SLC6A15: variants seen among roughly 807,000 people sequenced by gnomAD.
The protein encoded by SLC6A15 is sodium-dependent neutral amino acid transporter B(0)AT2.
A neutral mutation model predicts 68.5 loss-of-function variants in SLC6A15; 33 were observed. The ratio of observed to expected loss-of-function variants is 0.48; its 90% CI spans 0.37 to 0.64. The LOEUF is 0.64. SLC6A15 is among the 30% of genes least tolerant of loss of function. The pLI is 0.00. For synonymous variants in SLC6A15, 347 were observed against 301.0 expected (o/e 1.15, Z -1.58); for missense variants, 747 against 874.3 (o/e 0.85, Z 1.84).
At chr12:84,878,613 T>C (rs747516327) in intron 5 of SLC6A15, among the ~76,000 whole-genome samples, 2 of 152,090 alleles carry the variant, frequency 1.3e-5, no homozygotes, top group Non-Finnish European at 2.9e-5. Context: ...CTGATTATGA[T>C]TTTATCTAAT....
At chr12:84,875,257 T>A (rs2120588364) in intron 6 of SLC6A15, among the ~76,000 whole-genome samples, 1 of 151,878 alleles carries the variant, frequency 6.6e-6, no homozygotes, top group South Asian at 2.1e-4. Flanking sequence ...TGTAGCAGAT[T>A]TAAATTATAG....
intron 1 of SLC6A15, among the ~76,000 whole-genome samples, chr12:84,899,652 T>A (rs1485675514): frequency 2.6e-5 from 4 of 152,174 alleles, no homozygotes; most frequent in Admixed American, 1.3e-4. Flanking sequence ...CCAAATGGCT[T>A]ACAAATTATG....
At chr12:84,905,331 T>C (rs1378646531) in intron 1 of SLC6A15, among the ~76,000 whole-genome samples, 1 of 152,208 alleles carries the variant, frequency 6.6e-6, no homozygotes, top group East Asian at 1.9e-4. Context: ...TATCTACTGA[T>C]GCAGGAAAGA....
At chr12:84,867,527 A>G (rs1871113449) in intron 9 of SLC6A15, 1 of 159,764 alleles carries the variant, frequency 6.3e-6, no homozygotes. Context: ...ATTAATAGCA[A>G]AGTGACTTCT....
chr12:84,871,724 A>C (rs1278196580), intron 8 of SLC6A15, among the ~76,000 whole-genome samples: 1 of 152,216 alleles, frequency 6.6e-6, no homozygotes, highest in Non-Finnish European at 1.5e-5. Context: ...ACAGTTAACT[A>C]TCTTAAAGCA....
At chr12:84,886,218 T>A (rs1872095430) in intron 2 of SLC6A15, 150 bp from the exon 3 acceptor site, 2 of 440,508 alleles carry the variant, frequency 4.5e-6, no homozygotes, top group East Asian at 7.1e-5. Context: ...TACTTTGCAC[T>A]TTCTAGATTC....
intron 1 of SLC6A15, among the ~76,000 whole-genome samples, chr12:84,911,738 AC>A (rs1241838741): frequency 6.6e-6 from 1 of 152,090 alleles, no homozygotes; most frequent in African/African-American, 2.4e-5. Flanking sequence ...TCACACACAG[AC>A]CAGCCTAGTG....
intron 5 of SLC6A15, chr12:84,881,574 C>A (rs1235667109): frequency 1.0e-6 from 1 of 985,368 alleles, no homozygotes; most frequent in East Asian, 1.1e-4. Context: ...TCTTTTAATT[C>A]ATGCAGTTTC....
rs138356754 is a variant in SLC6A15 at position 84,873,889 on chromosome 12, A to G, written c.868-561T>C. ...TTTTCTTTGAAAATTGAAGAAATTCACCTATATTGTCTATAAGATACTCTT... is the reference window on the plus strand; with the variant it reads ...TTTTCTTTGAAAATTGAAGAAATTCGCCTATATTGTCTATAAGATACTCTT... On this transcript the variant is annotated intron_variant, in intron 6 of 11. Transcript: ENST00000266682. Among the ~76,000 whole-genome samples, 997 of 152,334 alleles carry G rather than the reference A, an allele frequency of 6.5e-3. 9 individuals are homozygous for G. Among genetic ancestry groups the G allele is most frequent in the African/African-American group, 0.022 (932 of 41,580 alleles).
intron 5 of SLC6A15, among the ~76,000 whole-genome samples, chr12:84,879,299 T>C (rs1200337051): frequency 6.6e-6 from 1 of 150,864 alleles, no homozygotes; most frequent in Non-Finnish European, 1.5e-5. Flanking sequence ...TCCAGTTTAA[T>C]TGCAATTGCT....
intron 5 of SLC6A15, chr12:84,881,515 A>T: frequency 1.0e-6 from 1 of 985,424 alleles, no homozygotes; most frequent in Non-Finnish European, 1.2e-6. Context: ...ATGTGGTCCA[A>T]CTGATATGTG....
intron 10 of SLC6A15, among the ~76,000 whole-genome samples, chr12:84,866,187 T>A (rs1296465810): frequency 6.6e-6 from 1 of 152,180 alleles, no homozygotes; most frequent in Admixed American, 6.5e-5. Context: ...CATAGGGCTG[T>A]AATGAGCTTG....
Position 84,882,560 on chromosome 12 carries a change from C to A in SLC6A15, c.756+1299G>T, listed in dbSNP as rs1871869635. ...CAAAGATGAATTAGACAGACTTCTG[C>A]CCTAAAAGAGTTGACTAATTGGTGG... is the stretch of plus-strand genomic sequence containing the variant. On this transcript the variant is annotated intron_variant, in intron 5 of 11. Transcript: ENST00000266682. 3 of 729,304 alleles carry A rather than the reference C, an allele frequency of 4.1e-6. No homozygotes were observed. In the African/African-American group the frequency reaches 5.8e-5, roughly 14 times the overall value. The allele number at this position is 729,304 out of a possible 1,614,324, so 45.2% of individuals were successfully genotyped here. A position where few individuals can be genotyped will look rare whatever the true frequency, so the allele number is the denominator to read the frequency against.
At chr12:84,889,240 C>T (rs899685515) in intron 2 of SLC6A15, among the ~76,000 whole-genome samples, 1 of 152,182 alleles carries the variant, frequency 6.6e-6, no homozygotes, top group African/African-American at 2.4e-5. Context: ...CCTGTAGTCC[C>T]AGCACTTTGG....
chr12:84,862,105 C>T, intron 11 of SLC6A15, 99 bp from the exon 12 acceptor site: 1 of 1,289,158 alleles, frequency 7.8e-7, no homozygotes, highest in Admixed American at 2.5e-5. Flanking sequence ...AGAATCTGGG[C>T]TGGCTTTGTG....
At chr12:84,909,071 C>T (rs117418557) in intron 1 of SLC6A15, among the ~76,000 whole-genome samples, 149 of 152,170 alleles carry the variant, frequency 9.8e-4, no homozygotes, top group Non-Finnish European at 1.7e-3. Context: ...AAGGTATGAG[C>T]TTTTATAATT....
At chr12:84,872,086 A>G (rs996078804) in intron 8 of SLC6A15, among the ~76,000 whole-genome samples, 1 of 151,806 alleles carries the variant, frequency 6.6e-6, no homozygotes, top group African/African-American at 2.4e-5. Context: ...GAACCTGGGA[A>G]GCAGAGGATG....
At chr12:84,880,835 A>G (rs1871788018) in intron 5 of SLC6A15, 1 of 872,472 alleles carries the variant, frequency 1.1e-6, no homozygotes, top group Non-Finnish European at 1.4e-6. Flanking sequence ...AAAATCGAAA[A>G]CAAAAACCAT....
Position 84,861,779 on chromosome 12 carries a change from C to G in SLC6A15, c.2046G>C (p.Pro682=). 4.3e-6 allele frequency: 7 copies of G among 1,613,972 alleles called. No individual in the cohort carries two copies. The highest frequency in any genetic ancestry group is 5.9e-6 in the Non-Finnish European group (7 of 1,179,940). ...CAAAATTTGGAGATGGCATCTCGCTCGGTATTTTTCCGTGAATGAGGCTTG... is the reference window on the plus strand; with the variant it reads ...CAAAATTTGGAGATGGCATCTCGCTGGGTATTTTTCCGTGAATGAGGCTTG... ...DDTSLIHGKI[P]SEMPSPNFGK... The change falls in exon 12 of 12, where the codon CCG becomes CCC. Residue 682 remains proline (P), a synonymous_variant. Coordinates refer to ENST00000266682, the MANE Select transcript of SLC6A15 (RefSeq NM_182767.6).
Sources: gnomAD v4.1 joint callset for allele counts (sites outside exome capture counted in the v4.1 genomes callset) on GRCh38, gnomAD v4.1.1 for gene constraint, MANE v1.5 for transcripts, NCBI Gene and HGNC (gene_info 2026-07-23, HGNC 2026-07-21) for gene names.